Variants in AKNA observed in about 807,000 individuals in gnomAD.
AKNA encodes the protein AT-hook transcription factor.
Under a neutral mutation model 138.8 loss-of-function variants are expected in AKNA, and 67 were observed. The ratio of observed to expected loss-of-function variants is 0.48; its 90% CI spans 0.40 to 0.59. The LOEUF is 0.59. Ranked by LOEUF, AKNA falls within the 20% of genes least tolerant of loss-of-function variation. The pLI is 0.00. For missense variants in AKNA, 1,813 were observed against 1,880.4 expected (o/e 0.96, Z 0.66); for synonymous variants, 737 against 754.4 (o/e 0.98, Z 0.38).
chr9:114,343,829 G>C (rs1470420111), intron 18 of AKNA, 26 bp from the exon 19 acceptor site: 11 of 1,580,948 alleles, frequency 7.0e-6, no homozygotes, highest in Non-Finnish European at 9.5e-6. Flanking sequence ...AGAACTGTCA[G>C]TATCAGCCCT....
chr9:114,358,415 G>T, intron 11 of AKNA: 1 of 499,108 alleles, frequency 2.0e-6, no homozygotes, highest in Non-Finnish European at 3.5e-6. Context: ...AAGAGGAAAT[G>T]TTAAAGCAGC....
chr9:114,364,213 T>C (rs2131950466), intron 7 of AKNA, among the ~76,000 whole-genome samples: 1 of 152,132 alleles, frequency 6.6e-6, no homozygotes, highest in South Asian at 2.1e-4. Context: ...TCCTGCCTAC[T>C]AGCTGTGGGG....
chr9:114,382,825 G>C (rs1025727082), intron 1 of AKNA, among the ~76,000 whole-genome samples: 7 of 152,162 alleles, frequency 4.6e-5, no homozygotes, highest in African/African-American at 1.7e-4. Flanking sequence ...GGGGCTGGGG[G>C]AGAGGAGAGC....
At chr9:114,350,568 G>A (rs1831036220) in intron 15 of AKNA, among the ~76,000 whole-genome samples, 1 of 152,238 alleles carries the variant, frequency 6.6e-6, no homozygotes, top group Non-Finnish European at 1.5e-5. Context: ...AGAAAGGACA[G>A]GCTTTTCTCG....
chr9:114,331,095 A>C (rs1829843346), downstream of AKNA, among the ~76,000 whole-genome samples: 2 of 152,108 alleles, frequency 1.3e-5, no homozygotes, highest in African/African-American at 4.8e-5. Flanking sequence ...CACAGCTTAT[A>C]ATTAGAACTA....
At chr9:114,342,224 A>T (rs1830405501) in intron 19 of AKNA, 99 bp from the exon 20 acceptor site, 2 of 856,958 alleles carry the variant, frequency 2.3e-6, no homozygotes, top group South Asian at 1.8e-5. Context: ...TCTCCTCGGG[A>T]CCCACTGCGG....
chr9:114,337,220 C>T lies in AKNA; in HGVS notation c.4154G>A (p.Arg1385Gln), dbSNP rs976770558. ...GCCCAGGTCGAGCTGGATGGAGTGC[C>T]GGTGTCTCCGGGCTGGTGGGGGAGA... Reference protein sequence around the residue: ...TASPPPARRHRHSIQLDLGDL... With the variant: ...TASPPPARRHQHSIQLDLGDL... The change falls in exon 22 of 22, where the codon CGG becomes CAG. Residue 1385 changes from arginine (R) to glutamine (Q), a missense_variant. Coordinates refer to ENST00000374088, the MANE Select transcript of AKNA (RefSeq NM_001317950.2). The T allele has an allele frequency of 2.0e-5, 32 of 1,586,806 alleles. No individual in the cohort carries two copies. The highest frequency in any genetic ancestry group is 2.5e-5 in the Non-Finnish European group (29 of 1,160,520).
At position 114,358,062 on chromosome 9, in the gene AKNA, T is replaced by A. The variant is rs764157393; in HGVS notation, c.2598A>T (p.Pro866=). 2.5e-6 allele frequency: 4 copies of A among 1,613,352 alleles called. No homozygotes were observed. Among genetic ancestry groups the A allele is most frequent in the Non-Finnish European group, 3.4e-6 (4 of 1,179,596 alleles). ...GAGGGTGGGGTGGCACGCCAGGGCC[T>A]GGAGGGGCTGCCTCAGCCTTGCCCA... ...SGLGKAEAAP[P]GPGVPPHPPG... is the part of the protein sequence containing the mutation. The change falls in exon 12 of 22, where the codon CCA becomes CCT. Residue 866 remains proline, a synonymous_variant. Transcript: ENST00000374088.
Position 114,359,770 on chromosome 9 carries a change from T to C in AKNA, c.2316A>G (p.Pro772=). 6 of 1,599,458 alleles carry C rather than the reference T, an allele frequency of 3.8e-6. No individual in the cohort carries two copies. Among genetic ancestry groups the C allele is most frequent in the Non-Finnish European group, 4.3e-6 (5 of 1,171,936 alleles). The change falls in exon 11 of 22, where the codon CCA becomes CCG. Residue 772 remains proline (P), a synonymous_variant. Coordinates refer to ENST00000374088, the MANE Select transcript of AKNA (RefSeq NM_001317950.2). ...MERYLSVKSL[P]EAMRMEEEEE... Reference sequence around the variant, plus strand: ...CCTCCTCCTCCATTCTCATGGCTTCTGGGAGAGACTTCACACTGAGGTACC... The same window carrying C: ...CCTCCTCCTCCATTCTCATGGCTTCCGGGAGAGACTTCACACTGAGGTACC...
intron 4 of AKNA, among the ~76,000 whole-genome samples, chr9:114,373,350 G>A (rs1832934462): frequency 6.6e-6 from 1 of 152,198 alleles, no homozygotes; most frequent in Non-Finnish European, 1.5e-5. Context: ...GCTGTTCAGG[G>A]GAGGGGAGAG....
rs1831626958 is a variant in AKNA, at chr9:114,357,974, AGAT to A, written c.2683_2685del (p.Ile895del). The A allele has an allele frequency of 1.2e-6, 2 of 1,603,588 alleles. No individual in the cohort carries two copies. On this transcript the variant is annotated inframe_deletion, in exon 12 of 22. Transcript: ENST00000374088. ...AAAGGCTTCTGTGGAAGGCGCTCAG[AGAT>A]GCCGCTTCCCTCCAGGCTGGTCATA... is the stretch of plus-strand genomic sequence containing the variant.
At chr9:114,341,782 CAAA>C in intron 20 of AKNA, 57 bp from the exon 21 acceptor site, 3 of 1,514,018 alleles carry the variant, frequency 2.0e-6, no homozygotes, top group Non-Finnish European at 2.7e-6. Flanking sequence ...CAGATCCAGC[CAAA>C]GATGGAGGGT....
At chr9:114,339,107 C>T (rs1419472027) in intron 21 of AKNA, among the ~76,000 whole-genome samples, 2 of 152,152 alleles carry the variant, frequency 1.3e-5, no homozygotes, top group Admixed American at 6.5e-5. Context: ...ATAAATCGAA[C>T]CATTGTAAAA....
At chr9:114,387,809 C>T (rs997844641) in intron 1 of AKNA, 51 bp downstream of exon 1, 7 of 407,770 alleles carry the variant, frequency 1.7e-5, no homozygotes, top group African/African-American at 8.1e-5. Context: ...GTGACTGGCC[C>T]GTCCAGAAGG....
chr9:114,394,869 C>T (rs2132163603), upstream of AKNA, among the ~76,000 whole-genome samples: 1 of 152,300 alleles, frequency 6.6e-6, no homozygotes, highest in South Asian at 2.1e-4. Context: ...GCTGTGGTCC[C>T]AAGACCCCGA....
intron 10 of AKNA, 26 bp downstream of exon 10, chr9:114,359,870 C>G: frequency 6.2e-7 from 1 of 1,614,100 alleles, no homozygotes; most frequent in South Asian, 1.1e-5. Context: ...GGCCAGACAC[C>G]CTGGTCAGGT....
rs1491193495 is a variant in AKNA, at chr9:114,380,817, AAG to A, written c.274+241_274+242del. 3.4e-3 allele frequency among the ~76,000 whole-genome samples: 401 copies of A among 117,540 alleles called. 10 individuals are homozygous for A. Among genetic ancestry groups the A allele is most frequent in the Middle Eastern group, 0.016 (3 of 188 alleles). The allele number at this position is 117,540 out of a possible 152,430, so 77.1% of individuals were successfully genotyped here. On this transcript the variant is annotated intron_variant, in intron 2 of 21. Transcript: ENST00000374088. ...GGTGAAACCCCGTCTCTACTAAAAA[AAG>A]AAAAAAAAAAAAATACAACCGGGCA...
At chr9:114,395,386 A>G (rs941579346), upstream of AKNA, among the ~76,000 whole-genome samples, 2 of 151,958 alleles carry the variant, frequency 1.3e-5, no homozygotes, top group African/African-American at 4.8e-5. Flanking sequence ...CCTTGGCACA[A>G]TGACAAATCT....
At chr9:114,353,155 A>G (rs1195219834) in intron 14 of AKNA, among the ~76,000 whole-genome samples, 3 of 152,252 alleles carry the variant, frequency 2.0e-5, no homozygotes, top group Non-Finnish European at 4.4e-5. Context: ...TAAAGGTCAA[A>G]AACTGAATCA....
Sources: gnomAD v4.1 joint callset for allele counts (sites outside exome capture counted in the v4.1 genomes callset) on GRCh38, gnomAD v4.1.1 for gene constraint, MANE v1.5 for transcripts, NCBI Gene and HGNC (gene_info 2026-07-23, HGNC 2026-07-21) for gene names.